The following SETDB2 variants were observed in gnomAD, a reference collection of about 807,000 sequenced individuals.
SETDB2 encodes histone-lysine N-methyltransferase SETDB2.
In SETDB2, 56 loss-of-function variants were observed where a neutral mutation model predicts 82.5. The observed-to-expected ratio is 0.68, with a 90% confidence interval of 0.55 to 0.85. The LOEUF is 0.85. SETDB2 is among the 40% of genes least tolerant of loss of function. The pLI, the probability that SETDB2 is intolerant of heterozygous loss-of-function variation, is 0.00. For synonymous variants in SETDB2, 272 were observed against 284.9 expected (o/e 0.95, Z 0.46); for missense variants, 677 against 816.4 (o/e 0.83, Z 2.08).
chr13:49,454,241 TAAA>T (rs1957836321), intron 2 of SETDB2, among the ~76,000 whole-genome samples: 2 of 150,906 alleles, frequency 1.3e-5, no homozygotes, highest in African/African-American at 4.9e-5. Flanking sequence ...TGTCTCTACT[TAAA>T]AAAAAATAAT....
intron 8 of SETDB2, chr13:49,482,227 G>A: frequency 1.0e-6 from 1 of 985,306 alleles, no homozygotes; most frequent in Non-Finnish European, 1.2e-6. Flanking sequence ...ATTTGGACTT[G>A]GCAACTATAA....
Position 49,494,824 on chromosome 13 carries a change from G to C in SETDB2, c.*2975G>C, listed in dbSNP as rs1006299995. 6.6e-6 allele frequency: 1 copy of C among 152,148 alleles called. No individual in the cohort carries two copies. The highest frequency in any genetic ancestry group is 1.5e-5 in the Non-Finnish European group (1 of 68,024). The allele number at this position is 152,148 out of a possible 1,614,324, so 9.4% of individuals were successfully genotyped here. On this transcript the variant is annotated 3_prime_UTR_variant, in exon 14 of 14. Transcript: ENST00000611815. The stretch of plus-strand genomic sequence containing the variant: ...TCTTTACAACCTGCTGAAAGTGGAA[G>C]ACCTCCAGTTTTCCTTTAATTCCTC...
chr13:49,480,307 A>G lies in SETDB2; in HGVS notation c.958A>G (p.Lys320Glu). ...CAAAATAACCACTGGATATAAATAT[A>G]AAAGACTACAGAGACAGATTCCTAC... is the stretch of plus-strand genomic sequence containing the variant. ...SDKITTGYKY[K>E]RLQRQIPTGI... The change falls in exon 7 of 14, where the codon AAA becomes GAA. Residue 320 changes from lysine (K) to glutamate (E), a missense_variant. This residue lies in a region of SETDB2 where 420 missense variants were observed against 554.6 expected (regional missense o/e 0.76). Transcript: ENST00000611815. 6.2e-7 allele frequency: 1 copy of G among 1,608,722 alleles called. No homozygotes were observed. The highest frequency in any genetic ancestry group is 1.1e-5 in the South Asian group (1 of 90,114).
rs1318795132 is a variant in SETDB2, at chr13:49,476,859, C to A, written c.689C>A (p.Ser230Tyr). Reference protein sequence around the residue: ...RNYPKQKEVVSDVDISNGVES... With the variant: ...RNYPKQKEVVYDVDISNGVES... ...TACCCAAAGCAAAAAGAAGTTGTTT[C>A]TGATGTGGATATTAGCAATGGAGTG... Residue 230 changes from serine (S) to tyrosine (Y), a missense_variant, in exon 6 of 14, where the codon TCT becomes TAT. Transcript: ENST00000611815. The A allele has an allele frequency of 6.2e-7, 1 of 1,614,116 alleles. No individual in the cohort carries two copies. The highest frequency in any genetic ancestry group is 8.5e-7 in the Non-Finnish European group (1 of 1,180,022).
chr13:49,452,327 G>C (rs1957802150), intron 2 of SETDB2, among the ~76,000 whole-genome samples: 1 of 152,024 alleles, frequency 6.6e-6, no homozygotes, highest in African/African-American at 2.4e-5. Flanking sequence ...TGGTCAGGCT[G>C]GTCTCAAACT....
At chr13:49,447,825 A>G (rs1203853997) in intron 1 of SETDB2, among the ~76,000 whole-genome samples, 3 of 151,978 alleles carry the variant, frequency 2.0e-5, no homozygotes, top group Non-Finnish European at 2.9e-5. Flanking sequence ...TTTTTCTTGC[A>G]TGTCAAGGTT....
In SETDB2 at chr13:49,446,767, A is replaced by G. The variant is rs943729724; in HGVS notation, c.-342+1910A>G. 5.3e-5 allele frequency among the ~76,000 whole-genome samples: 8 copies of G among 152,302 alleles called. 1 individual carries two copies. Among genetic ancestry groups the G allele is most frequent in the African/African-American group, 1.9e-4 (8 of 41,578 alleles). On this transcript the variant is annotated intron_variant, in intron 1 of 13. Coordinates refer to ENST00000611815, the MANE Select transcript of SETDB2 (RefSeq NM_001160308.3). ...TTGTTTGATGTGTGCTGTATAGCACATTTTATTGCCATTCTCTGAGAACAT... is the reference window on the plus strand; with the variant it reads ...TTGTTTGATGTGTGCTGTATAGCACGTTTTATTGCCATTCTCTGAGAACAT...
intron 6 of SETDB2, among the ~76,000 whole-genome samples, 194 bp from the exon 7 acceptor site, chr13:49,480,025 A>G (rs1958446877): frequency 6.6e-6 from 1 of 152,220 alleles, no homozygotes; most frequent in African/African-American, 2.4e-5. Context: ...GCAGTTTATA[A>G]TTATTTATAA....
intron 12 of SETDB2, chr13:49,489,293 G>A: frequency 5.3e-6 from 1 of 187,552 alleles, no homozygotes; most frequent in Admixed American, 5.0e-5. Flanking sequence ...CGGCTAGTGG[G>A]CAACAGAGCA....
chr13:49,475,337 A>T (rs1157723204), intron 5 of SETDB2, among the ~76,000 whole-genome samples: 1 of 152,176 alleles, frequency 6.6e-6, no homozygotes, highest in African/African-American at 2.4e-5. Context: ...ACACAGCCAA[A>T]CCATATCATA....
chr13:49,472,939 T>C (rs1487373331), intron 5 of SETDB2, among the ~76,000 whole-genome samples: 1 of 152,226 alleles, frequency 6.6e-6, no homozygotes, highest in African/African-American at 2.4e-5. Context: ...TTTCTTGAAA[T>C]GTAAATTCCA....
rs1957626301 is a variant in SETDB2 at position 49,444,787 on chromosome 13, G to C, written c.-412G>C. On this transcript the variant is annotated 5_prime_UTR_variant, in exon 1 of 14. Transcript: ENST00000611815. ...GGGAACCTGAGGTTGTCAAAGGGGCGGCAGGAAATGGACAGCAGTATAAAA... is the reference window on the plus strand; with the variant it reads ...GGGAACCTGAGGTTGTCAAAGGGGCCGCAGGAAATGGACAGCAGTATAAAA... 1 of 152,412 alleles carries C rather than the reference G, an allele frequency of 6.6e-6. No homozygotes were observed. The highest frequency in any genetic ancestry group is 2.4e-5 in the African/African-American group (1 of 41,412). 9.4% of individuals were successfully genotyped at this position (152,412 alleles called of 1,614,324 possible). A position where few individuals can be genotyped will look rare whatever the true frequency, so the allele number is the denominator to read the frequency against.
At chr13:49,489,759 C>T (rs1352719934) in intron 12 of SETDB2, among the ~76,000 whole-genome samples, 2 of 150,626 alleles carry the variant, frequency 1.3e-5, no homozygotes, top group Non-Finnish European at 3.0e-5. Flanking sequence ...CCATGCCTGG[C>T]TAATTTTTGC....
In SETDB2 at chr13:49,482,955, C is replaced by G; in HGVS notation, c.1375C>G (p.Leu459Val). ...PPKFSNNPKE[L>V]TVETKYDNIS... ...AAAGTTCAGTAATAATCCCAAGGAG[C>G]TTACTGTGTAAGTAACAGCTGAGGA... The change falls in exon 9 of 14, where the codon CTT becomes GTT. Residue 459 changes from leucine (L) to valine (V), a missense_variant. Transcript: ENST00000611815. The G allele has an allele frequency of 6.2e-7, 1 of 1,600,662 alleles. No individual in the cohort carries two copies. Among genetic ancestry groups the G allele is most frequent in the Non-Finnish European group, 8.5e-7 (1 of 1,170,814 alleles).
intron 6 of SETDB2, among the ~76,000 whole-genome samples, chr13:49,477,698 G>A (rs1211861505): frequency 6.6e-6 from 1 of 152,136 alleles, no homozygotes; most frequent in Non-Finnish European, 1.5e-5. Context: ...ATGAGGTATA[G>A]GTAATATCTC....
chr13:49,457,797 T>A (rs897710111), intron 2 of SETDB2, among the ~76,000 whole-genome samples: 1 of 151,996 alleles, frequency 6.6e-6, no homozygotes, highest in Non-Finnish European at 1.5e-5. Flanking sequence ...GCATCACAGC[T>A]TTTTTTTCCT....
rs1006742891 is a variant in SETDB2 at position 49,495,000 on chromosome 13, T to G, written c.*3151T>G. On this transcript the variant is annotated 3_prime_UTR_variant, in exon 14 of 14. Coordinates refer to ENST00000611815, the MANE Select transcript of SETDB2 (RefSeq NM_001160308.3). The stretch of plus-strand genomic sequence containing the variant: ...TAAATAAAGGCTTGCTACTGGCAAC[T>G]GGATTTAGGATCGGCTAATTCTGCG... The G allele has an allele frequency of 1.3e-5, 2 of 152,048 alleles. No homozygotes were observed. Among genetic ancestry groups the G allele is most frequent in the African/African-American group, 4.8e-5 (2 of 41,402 alleles). 9.4% of individuals were successfully genotyped at this position (152,048 alleles called of 1,614,324 possible).
At position 49,482,746 on chromosome 13, in the gene SETDB2, T is replaced by C. The variant is rs775620891; in HGVS notation, c.1166T>C (p.Leu389Pro). 6.2e-7 allele frequency: 1 copy of C among 1,605,966 alleles called. No homozygotes were observed. The highest frequency in any genetic ancestry group is 1.1e-5 in the South Asian group (1 of 90,228). ...AACATTTTCCTTTTAGGAAGATTAC[T>C]AAGCAGAGCTAACACTGAAAAATCT... ...TFVCIYSGRL[L>P]SRANTEKSYG... Residue 389 changes from leucine to proline, a missense_variant, in exon 9 of 14, where the codon CTA becomes CCA. Around this residue, in one of 3 missense-constraint regions of SETDB2, gnomAD observed 420 missense variants for 554.6 expected, o/e 0.76. Transcript: ENST00000611815.
intron 5 of SETDB2, among the ~76,000 whole-genome samples, chr13:49,476,244 C>G (rs1024284415): frequency 6.6e-6 from 1 of 152,122 alleles, no homozygotes; most frequent in East Asian, 1.9e-4. Context: ...TGTGATCACA[C>G]CTGTGAATGG....
Sources: allele counts gnomAD v4.1 joint callset (sites outside exome capture counted in the v4.1 genomes callset), GRCh38; gene constraint gnomAD v4.1.1; regional missense constraint gnomAD v4.1.1; transcripts MANE v1.5; gene names NCBI Gene and HGNC (gene_info 2026-07-23, HGNC 2026-07-21).